ACOX3: variants seen among roughly 807,000 people sequenced by gnomAD.
ACOX3 encodes acyl-CoA oxidase 3, pristanoyl, also known as peroxisomal acyl-coenzyme A oxidase 3.
Under a neutral mutation model 81.5 loss-of-function variants are expected in ACOX3, and 73 were observed. That is an observed-to-expected ratio of 0.90 (90% CI 0.74 to 1.09). ACOX3 has a LOEUF of 1.09. Ranked by LOEUF, ACOX3 falls within the 50% of genes least tolerant of loss-of-function variation. ACOX3 has a pLI of 0.00. For missense variants in ACOX3, 947 were observed against 928.0 expected (o/e 1.02, Z -0.27); for synonymous variants, 387 against 375.1 (o/e 1.03, Z -0.37).
intron 11 of ACOX3, among the ~76,000 whole-genome samples, chr4:8,391,840 C>T (rs528365543): frequency 2.6e-5 from 4 of 152,238 alleles, no homozygotes; most frequent in Non-Finnish European, 5.9e-5. Flanking sequence ...ATAACAGCTG[C>T]CTCAGTCATC....
chr4:8,373,830 A>C (rs987021172), intron 15 of ACOX3: 5 of 593,878 alleles, frequency 8.4e-6, no homozygotes, highest in East Asian at 2.8e-5. Context: ...CCCTTTTCCC[A>C]CTCAGGCATT....
intron 17 of ACOX3, among the ~76,000 whole-genome samples, chr4:8,367,326 A>C (rs1289394787): frequency 1.3e-5 from 2 of 152,014 alleles, no homozygotes; most frequent in African/African-American, 4.8e-5. Context: ...CTAAAAAAAA[A>C]TTCAAAATTA....
intron 11 of ACOX3, 91 bp downstream of exon 11, chr4:8,392,242 G>A: frequency 9.7e-6 from 13 of 1,339,330 alleles, no homozygotes; most frequent in African/African-American, 1.5e-5. Context: ...GGCTGGATTT[G>A]GTCCTCAGGC....
At chr4:8,356,225 C>A in the ACOX3 span, 1 of 311,898 alleles carries the variant, frequency 3.2e-6, no homozygotes, top group Non-Finnish European at 6.4e-6. Flanking sequence ...GTCCCACATC[C>A]AATAGACAGT....
intron 8 of ACOX3, 81 bp from the exon 9 acceptor site, chr4:8,397,200 C>T (rs1719810517): frequency 1.5e-6 from 2 of 1,348,350 alleles, no homozygotes; most frequent in Non-Finnish European, 2.0e-6. Context: ...CGAAGGTGCC[C>T]TCGTTTGTTC....
At chr4:8,387,294 T>C (rs983228868) in intron 13 of ACOX3, among the ~76,000 whole-genome samples, 12 of 152,170 alleles carry the variant, frequency 7.9e-5, no homozygotes, top group Admixed American at 7.9e-4. Flanking sequence ...GCAGGAAGGC[T>C]GAGGGACTTG....
chr4:8,389,141 A>G lies in ACOX3; in HGVS notation c.1537+32T>C. The G allele has an allele frequency of 2.6e-6, 4 of 1,564,886 alleles. No individual in the cohort carries two copies. The highest frequency in any genetic ancestry group is 3.5e-6 in the Non-Finnish European group (4 of 1,137,416). On this transcript the variant is annotated intron_variant, in intron 13 of 17. Coordinates refer to ENST00000356406, the MANE Select transcript of ACOX3 (RefSeq NM_003501.3). The surrounding 1 kb of genome is among the most constrained non-coding windows in gnomAD (Gnocchi z 5.3). The stretch of plus-strand genomic sequence containing the variant: ...CTGGTGGGAATGACAGGAAATCAGG[A>G]GGCCAGGGGAGCCCTCCACCTGTGT...
rs952534640 is a variant in ACOX3 at position 8,370,319 on chromosome 4, C to T, written c.1983+589G>A. Among the ~76,000 whole-genome samples the T allele has an allele frequency of 1.8e-4, 28 of 152,012 alleles. No homozygotes were observed. Among genetic ancestry groups the T allele is most frequent in the African/African-American group, 6.3e-4 (26 of 41,518 alleles). ...GTGGGGCTGGGGCGTGGCAGGCAGT[C>T]GAGGAGGCTGGTGGAGGCTCCCTCA... On this transcript the variant is annotated intron_variant, in intron 17 of 17. Transcript: ENST00000356406. The surrounding 1 kb of genome is among the most constrained non-coding windows in gnomAD (Gnocchi z 6.3).
chr4:8,416,335 C>G lies in ACOX3; in HGVS notation c.144+43G>C. 3 of 1,613,540 alleles carry G rather than the reference C, an allele frequency of 1.9e-6. No homozygotes were observed. The highest frequency in any genetic ancestry group is 2.5e-6 in the Non-Finnish European group (3 of 1,179,958). On this transcript the variant is annotated intron_variant, in intron 2 of 17. Coordinates refer to ENST00000356406, the MANE Select transcript of ACOX3 (RefSeq NM_003501.3). This position sits in a 1 kb window ranked among gnomAD's most constrained non-coding sequence, Gnocchi z 4.2. ...CCCATTCTGCTAACGAACTAAGACC[C>G]CACTGGGAAAAAAGACAAGCTGCGC...
chr4:8,416,319 C>T lies in ACOX3; in HGVS notation c.144+59G>A, dbSNP rs2108985977. ...TGTGAGAGCCAGAAATCCCATTCTG[C>T]TAACGAACTAAGACCCCACTGGGAA... On this transcript the variant is annotated intron_variant, in intron 2 of 17. Transcript: ENST00000356406. This position sits in a 1 kb window ranked among gnomAD's most constrained non-coding sequence, Gnocchi z 4.2. 5.6e-6 allele frequency: 9 copies of T among 1,612,574 alleles called. No homozygotes were observed. The highest frequency in any genetic ancestry group is 6.8e-6 in the Non-Finnish European group (8 of 1,179,832).
At chr4:8,369,210 G>C (rs896905524) in intron 17 of ACOX3, among the ~76,000 whole-genome samples, 1 of 152,172 alleles carries the variant, frequency 6.6e-6, no homozygotes, top group Non-Finnish European at 1.5e-5. Context: ...GTGTGCTTGG[G>C]GGTCCTCCAT....
At chr4:8,387,203 T>G (rs1445357679) in intron 13 of ACOX3, among the ~76,000 whole-genome samples, 1 of 152,240 alleles carries the variant, frequency 6.6e-6, no homozygotes, top group Non-Finnish European at 1.5e-5. Flanking sequence ...GTGCTTTACG[T>G]GCATGAACTC....
At chr4:8,435,217 G>T (rs894890893) in intron 1 of ACOX3, among the ~76,000 whole-genome samples, 1 of 152,240 alleles carries the variant, frequency 6.6e-6, no homozygotes, top group Admixed American at 6.5e-5. Flanking sequence ...TTTGCTGGGC[G>T]CGGTGGCTCA....
chr4:8,371,022 G>A (rs1473557307), intron 16 of ACOX3, 28 bp from the exon 17 acceptor site: 10 of 1,606,084 alleles, frequency 6.2e-6, no homozygotes, highest in South Asian at 1.1e-5. Context: ...CCAGACACTT[G>A]GCACCTCCCG....
At chr4:8,411,450 G>A (rs748610529) in intron 5 of ACOX3, among the ~76,000 whole-genome samples, 2 of 152,204 alleles carry the variant, frequency 1.3e-5, no homozygotes, top group Non-Finnish European at 2.9e-5. Context: ...TGCCAGCCAT[G>A]CCTTCTGTTC....
chr4:8,368,170 G>A lies in ACOX3; in HGVS notation c.1984-1090C>T, dbSNP rs901263508. Among the ~76,000 whole-genome samples, 3 of 152,238 alleles carry A rather than the reference G, an allele frequency of 2.0e-5. No homozygotes were observed. The highest frequency in any genetic ancestry group is 7.2e-5 in the African/African-American group (3 of 41,468). ...ACCAGCAGCAGGATGCCCTCGCCGA[G>A]TGGCCCTTACTGGCTGATTTCTGGA... On this transcript the variant is annotated intron_variant, in intron 17 of 17. Coordinates refer to ENST00000356406, the MANE Select transcript of ACOX3 (RefSeq NM_003501.3). The surrounding 1 kb of genome is among the most constrained non-coding windows in gnomAD (Gnocchi z 5.9).
rs1718691971 is a variant in ACOX3 at position 8,389,373 on chromosome 4, G to C, written c.1424-87C>G. On this transcript the variant is annotated intron_variant, in intron 12 of 17. Coordinates refer to ENST00000356406, the MANE Select transcript of ACOX3 (RefSeq NM_003501.3). The surrounding 1 kb of genome is among the most constrained non-coding windows in gnomAD (Gnocchi z 5.3). ...AGCTGGGGGCACCCCAAAGCACAGA[G>C]AGTGTCCAGAGGACCCGACGGCCAC... 2 of 1,399,214 alleles carry C rather than the reference G, an allele frequency of 1.4e-6. No individual in the cohort carries two copies. 86.7% of individuals were successfully genotyped at this position (1,399,214 alleles called of 1,614,324 possible).
chr4:8,359,342 G>A, the ACOX3 span, among the ~76,000 whole-genome samples: 9 of 152,078 alleles, frequency 5.9e-5, no homozygotes, highest in African/African-American at 1.9e-4. This position sits in a 1 kb window ranked among gnomAD's most constrained non-coding sequence, Gnocchi z 6.0. Flanking sequence ...TCTGTCCTAA[G>A]ACACAGTGGG....
rs1717811213 is a variant in ACOX3, at chr4:8,382,588, A to G, written c.1538-981T>C. Among the ~76,000 whole-genome samples the G allele has an allele frequency of 6.6e-6, 1 of 152,188 alleles. No individual in the cohort carries two copies. The highest frequency in any genetic ancestry group is 2.4e-5 in the African/African-American group (1 of 41,456). On this transcript the variant is annotated intron_variant, in intron 13 of 17. Transcript: ENST00000356406. The surrounding 1 kb of genome is among the most constrained non-coding windows in gnomAD (Gnocchi z 4.1). The stretch of plus-strand genomic sequence containing the variant: ...GCCTGGCAGCCGGTCTTGCTCAGAG[A>G]TCCCAGGCAGGAGAATGGGGATCAG...
Sources: gnomAD v4.1 joint callset for allele counts (sites outside exome capture counted in the v4.1 genomes callset) on GRCh38, gnomAD v4.1.1 for gene constraint, Gnocchi (gnomAD v3.1) non-coding constraint, MANE v1.5 for transcripts, NCBI Gene and HGNC (gene_info 2026-07-23, HGNC 2026-07-21) for gene names.